LRMDA: variants seen among roughly 807,000 people sequenced by gnomAD.
The protein encoded by LRMDA is leucine rich melanocyte differentiation associated.
Under a neutral mutation model 29.8 loss-of-function variants are expected in LRMDA, and 18 were observed. The ratio of observed to expected loss-of-function variants is 0.60; its 90% confidence interval spans 0.42 to 0.90. The LOEUF is 0.90. Ranked by LOEUF, LRMDA falls within the 40% of genes least tolerant of loss-of-function variation. LRMDA has a pLI of 0.00. For missense variants in LRMDA, 273 were observed against 273.9 expected, an observed-to-expected ratio of 1.00 and a Z score of 0.02; for synonymous variants, 125 against 109.4, an observed-to-expected ratio of 1.14 and a Z score of -0.89.
chr10:76,047,030 C>T, intron 3 of LRMDA, 134 bp from the exon 4 acceptor site: 1 of 948,420 alleles, frequency 1.1e-6, no homozygotes, highest in Non-Finnish European at 1.6e-6. Flanking sequence ...CGTATACCCA[C>T]AGCTGAATTG....
chr10:75,793,984 A>G (rs994616415), intron 2 of LRMDA, among the ~76,000 whole-genome samples: 11 of 152,372 alleles, frequency 7.2e-5, no homozygotes, highest in African/African-American at 2.6e-4. Flanking sequence ...CGGCCATAGG[A>G]AATATGTGCA....
intron 2 of LRMDA, among the ~76,000 whole-genome samples, chr10:75,545,237 A>G (rs919650844): frequency 1.2e-4 from 18 of 152,176 alleles, no homozygotes; most frequent in Admixed American, 6.6e-5. Flanking sequence ...ACTATGACAT[A>G]TAGAAATGAG....
intron 2 of LRMDA, among the ~76,000 whole-genome samples, chr10:75,815,012 A>G (rs1447446172): frequency 1.3e-5 from 2 of 152,216 alleles, no homozygotes; most frequent in East Asian, 1.9e-4. Flanking sequence ...TGGTTTTCCA[A>G]GTAGAGGAAG....
chr10:75,522,772 G>T (rs1444127849), intron 2 of LRMDA, among the ~76,000 whole-genome samples: 1 of 152,166 alleles, frequency 6.6e-6, no homozygotes, highest in Admixed American at 6.5e-5. Flanking sequence ...TAAAATAAAA[G>T]GGCAGGTATG....
intron 5 of LRMDA, among the ~76,000 whole-genome samples, chr10:76,148,705 C>T (rs1850380636): frequency 6.6e-6 from 1 of 152,194 alleles, no homozygotes; most frequent in South Asian, 2.1e-4. Context: ...TGTCCTGCAC[C>T]TACTCTCTGG....
At chr10:75,564,202 G>T (rs868774080) in intron 2 of LRMDA, among the ~76,000 whole-genome samples, 1 of 152,098 alleles carries the variant, frequency 6.6e-6, no homozygotes, top group Admixed American at 6.5e-5. Context: ...GGAGCTTCCC[G>T]GCTGCTTTGT....
intron 2 of LRMDA, among the ~76,000 whole-genome samples, chr10:75,836,017 G>T (rs142770553): frequency 1.3e-5 from 2 of 152,278 alleles, no homozygotes; most frequent in East Asian, 1.9e-4. Context: ...TCTCTTAGAA[G>T]GCACTTGCAC....
intron 2 of LRMDA, among the ~76,000 whole-genome samples, chr10:75,778,644 G>T (rs1042689702): frequency 6.6e-6 from 1 of 152,186 alleles, no homozygotes; most frequent in Admixed American, 6.5e-5. Flanking sequence ...TACCTTTAGA[G>T]AACTTTCAAT....
intron 2 of LRMDA, among the ~76,000 whole-genome samples, chr10:76,026,172 C>A (rs988699377): frequency 9.2e-5 from 14 of 152,180 alleles, no homozygotes; most frequent in African/African-American, 3.4e-4. Flanking sequence ...CATTTAGGTT[C>A]ATCATTATAT....
chr10:75,752,914 T>C (rs1020720771), intron 2 of LRMDA, among the ~76,000 whole-genome samples: 2 of 152,232 alleles, frequency 1.3e-5, no homozygotes, highest in African/African-American at 2.4e-5. Context: ...CCCTTTCAGC[T>C]ACCATTGATC....
At chr10:75,821,854 A>G (rs1589218474) in intron 2 of LRMDA, among the ~76,000 whole-genome samples, 3 of 152,156 alleles carry the variant, frequency 2.0e-5, no homozygotes, top group Admixed American at 2.0e-4. Context: ...AATAAAAACC[A>G]TGTATGACAA....
At chr10:75,902,531 A>G (rs1845692918) in intron 2 of LRMDA, among the ~76,000 whole-genome samples, 1 of 125,490 alleles carries the variant, frequency 8.0e-6, no homozygotes, top group Non-Finnish European at 1.6e-5. Context: ...ACTAAAATCT[A>G]TTTTATTCTT....
chr10:76,542,054 C>CGTGTGTGTGCACGTGT (rs1491550114), intron 6 of LRMDA, among the ~76,000 whole-genome samples: 1 of 150,156 alleles, frequency 6.7e-6, no homozygotes, highest in African/African-American at 2.4e-5. Context: ...GGTGTGTGCA[C>CGTGTGTGTGCACGTGT]GTGTGTGTGT....
rs138513698 is a variant in LRMDA, at chr10:76,195,756, A to G, written c.517-128645A>G. 9.6e-4 allele frequency among the ~76,000 whole-genome samples: 146 copies of G among 152,356 alleles called. 2 individuals are homozygous for G. In the East Asian group the frequency reaches 0.026, roughly 27 times the overall value. On this transcript the variant is annotated intron_variant, in intron 5 of 6. Coordinates refer to ENST00000611255, the MANE Select transcript of LRMDA (RefSeq NM_001305581.2). ...TGGGGCATTTAGTTCTTCAAAATGG[A>G]AAAACAAAATAGGGTCTAAAAAGCA...
chr10:75,980,785 C>T (rs1206703251), intron 2 of LRMDA, among the ~76,000 whole-genome samples: 1 of 152,208 alleles, frequency 6.6e-6, no homozygotes, highest in African/African-American at 2.4e-5. Context: ...ATTTCACTTT[C>T]CTATTTTTCC....
chr10:76,216,759 T>C (rs1851735974), intron 5 of LRMDA, among the ~76,000 whole-genome samples: 2 of 152,188 alleles, frequency 1.3e-5, no homozygotes, highest in South Asian at 4.1e-4. Context: ...TGAACATTAA[T>C]GTAGCTCATG....
chr10:75,683,768 A>C (rs1842051814), intron 2 of LRMDA, among the ~76,000 whole-genome samples: 1 of 152,176 alleles, frequency 6.6e-6, no homozygotes, highest in African/African-American at 2.4e-5. Flanking sequence ...TGGCAAAGAG[A>C]CTTAAGCAGA....
chr10:76,027,775 T>C (rs542113414), intron 2 of LRMDA, among the ~76,000 whole-genome samples: 3 of 152,312 alleles, frequency 2.0e-5, no homozygotes, highest in South Asian at 4.1e-4. Context: ...ATGAGATCTT[T>C]GTGTGTGTAC....
chr10:76,376,207 G>C (rs1007670655), intron 6 of LRMDA, among the ~76,000 whole-genome samples: 1 of 151,952 alleles, frequency 6.6e-6, no homozygotes, highest in Admixed American at 6.6e-5. Context: ...ATATCTATGC[G>C]TATACATTAT....
Sources: allele counts gnomAD v4.1 joint callset (sites outside exome capture counted in the v4.1 genomes callset), GRCh38; gene constraint gnomAD v4.1.1; transcripts MANE v1.5; gene names NCBI Gene and HGNC (gene_info 2026-07-23, HGNC 2026-07-21).